The following MAN2A1 variants were observed in gnomAD, a reference collection of about 807,000 sequenced individuals.
MAN2A1 encodes the protein mannosidase alpha class 2A member 1.
In MAN2A1, 76 loss-of-function variants were observed where a neutral mutation model predicts 142.6. The observed-to-expected ratio is 0.53, with a 90% CI of 0.44 to 0.65. The LOEUF (loss-of-function observed/expected upper bound fraction) is 0.65, where lower values mean the gene tolerates loss of function less well. Among genes scored for constraint, MAN2A1 ranks in the 30% least tolerant of loss-of-function variants. MAN2A1 has a pLI of 0.00. For synonymous variants in MAN2A1, 559 were observed against 473.2 expected (o/e 1.18, Z -2.35); for missense variants, 1,311 against 1,365.1 (o/e 0.96, Z 0.62).
intron 4 of MAN2A1, among the ~76,000 whole-genome samples, chr5:109,749,742 TA>T (rs776419988): frequency 1.2e-4 from 19 of 152,066 alleles, no homozygotes; most frequent in Non-Finnish European, 2.6e-4. Context: ...AATTAAATTT[TA>T]ATTTAAATTC....
chr5:109,722,797 C>T lies in MAN2A1; in HGVS notation c.535+6533C>T, dbSNP rs559215199. Among the ~76,000 whole-genome samples the T allele has an allele frequency of 1.0e-3, 152 of 152,280 alleles. 1 individual carries two copies. Among genetic ancestry groups the T allele is most frequent in the African/African-American group, 3.4e-3 (142 of 41,580 alleles). ...TTTGTCTAAAGCTAAGTAGCCCCCT[C>T]GTGTACCCTAAGAGTAACCCACCAA... On this transcript the variant is annotated intron_variant, in intron 3 of 21. Coordinates refer to ENST00000261483, the MANE Select transcript of MAN2A1 (RefSeq NM_002372.4).
chr5:109,737,655 C>T (rs1318258089), intron 4 of MAN2A1, among the ~76,000 whole-genome samples: 1 of 151,976 alleles, frequency 6.6e-6, no homozygotes, highest in East Asian at 1.9e-4. Flanking sequence ...CAATATTAAA[C>T]CCAGGGCTCA....
At chr5:109,749,011 T>C (rs551993264) in intron 4 of MAN2A1, among the ~76,000 whole-genome samples, 4 of 152,186 alleles carry the variant, frequency 2.6e-5, no homozygotes, top group South Asian at 2.1e-4. Flanking sequence ...TCTGTGTTTT[T>C]GAATTTTTCA....
chr5:109,787,985 A>G (rs1753638030), intron 10 of MAN2A1, among the ~76,000 whole-genome samples: 1 of 151,854 alleles, frequency 6.6e-6, no homozygotes, highest in South Asian at 2.1e-4. Flanking sequence ...TACATCTCTG[A>G]AGGAAATATT....
At chr5:109,831,285 G>A (rs1295229831) in intron 16 of MAN2A1, among the ~76,000 whole-genome samples, 1 of 152,204 alleles carries the variant, frequency 6.6e-6, no homozygotes, top group Non-Finnish European at 1.5e-5. Flanking sequence ...GAGTGAGTGA[G>A]CCAGATGGGT....
At chr5:109,709,861 A>G (rs1345249875) in intron 1 of MAN2A1, among the ~76,000 whole-genome samples, 1 of 152,170 alleles carries the variant, frequency 6.6e-6, no homozygotes, top group African/African-American at 2.4e-5. Context: ...TTCTTGCCCT[A>G]CAGAAAATTG....
At chr5:109,810,939 A>G (rs1015843398) in intron 12 of MAN2A1, among the ~76,000 whole-genome samples, 1 of 152,056 alleles carries the variant, frequency 6.6e-6, no homozygotes, top group African/African-American at 2.4e-5. Flanking sequence ...CTTTTTTTCA[A>G]AAGAGTGTTT....
At chr5:109,843,061 C>G (rs920594361) in intron 17 of MAN2A1, among the ~76,000 whole-genome samples, 1 of 152,054 alleles carries the variant, frequency 6.6e-6, no homozygotes, top group African/African-American at 2.4e-5. Flanking sequence ...CCACCTCGCC[C>G]TTTCAAAGTG....
At chr5:109,753,239 G>A (rs547005363) in intron 4 of MAN2A1, among the ~76,000 whole-genome samples, 78 of 152,304 alleles carry the variant, frequency 5.1e-4, no homozygotes, top group African/African-American at 1.7e-3. Flanking sequence ...CGCATAAGGG[G>A]CAGGTTTGGT....
At chr5:109,734,700 C>T (rs1752032566) in intron 4 of MAN2A1, among the ~76,000 whole-genome samples, 2 of 152,234 alleles carry the variant, frequency 1.3e-5, no homozygotes, top group African/African-American at 4.8e-5. Flanking sequence ...TTTCTTAATC[C>T]TGAGTTCTAG....
intron 9 of MAN2A1, among the ~76,000 whole-genome samples, chr5:109,782,596 A>G (rs1561509585): frequency 6.6e-6 from 1 of 152,276 alleles, no homozygotes; most frequent in East Asian, 1.9e-4. Flanking sequence ...TTTATATACT[A>G]GTGGACATTG....
At chr5:109,762,365 C>A (rs574188559) in intron 5 of MAN2A1, among the ~76,000 whole-genome samples, 1 of 152,176 alleles carries the variant, frequency 6.6e-6, no homozygotes, top group African/African-American at 2.4e-5. Context: ...TCTTTCTTTG[C>A]TCCTTTTGTC....
intron 1 of MAN2A1, among the ~76,000 whole-genome samples, chr5:109,701,917 C>T (rs915361653): frequency 6.6e-6 from 1 of 151,966 alleles, no homozygotes; most frequent in African/African-American, 2.4e-5. Context: ...TTTATGATGA[C>T]GTGGATGTTA....
intron 8 of MAN2A1, among the ~76,000 whole-genome samples, chr5:109,779,017 T>A (rs1369878684): frequency 1.3e-5 from 2 of 152,174 alleles, no homozygotes; most frequent in East Asian, 3.8e-4. Flanking sequence ...TGCCTTTTAA[T>A]GTAAAAACCA....
intron 1 of MAN2A1, among the ~76,000 whole-genome samples, chr5:109,704,927 A>T (rs563951280): frequency 1.2e-4 from 18 of 152,036 alleles, no homozygotes; most frequent in African/African-American, 4.1e-4. Flanking sequence ...TATTCTGGCC[A>T]CTCAAGTTTA....
intron 15 of MAN2A1, among the ~76,000 whole-genome samples, chr5:109,823,086 A>T (rs1232273819): frequency 6.6e-6 from 1 of 152,212 alleles, no homozygotes; most frequent in African/African-American, 2.4e-5. Flanking sequence ...TAAATGTTTT[A>T]AATTTGCTTC....
Position 109,817,396 on chromosome 5 carries a change from A to C in MAN2A1, c.2067A>C (p.Ala689=). The change falls in exon 13 of 22, where the codon GCA becomes GCC. Residue 689 remains alanine (A), a synonymous_variant. Transcript: ENST00000261483. ...AACCTGTGGAAGTTCAAGTCAGCGC[A>C]GTTTGGGATACAGCAAATACTATTT... ...SGKPVEVQVS[A]VWDTANTISE... is the part of the protein sequence containing the mutation. 1 of 1,614,122 alleles carries C rather than the reference A, an allele frequency of 6.2e-7. No homozygotes were observed. The highest frequency in any genetic ancestry group is 1.1e-5 in the South Asian group (1 of 91,072).
intron 12 of MAN2A1, among the ~76,000 whole-genome samples, chr5:109,799,474 G>A (rs1422718706): frequency 6.6e-6 from 1 of 152,176 alleles, no homozygotes; most frequent in Non-Finnish European, 1.5e-5. Context: ...AAAAAAGCAG[G>A]CCAGGCGCAG....
At position 109,690,363 on chromosome 5, in the gene MAN2A1, T is replaced by A; in HGVS notation, c.-55T>A. ...GGCGGCTGCTTCCTAGAGTCCACAG[T>A]GCGCTGTCTCCTTTGGCTGAGGAGA... On this transcript the variant is annotated 5_prime_UTR_variant, in exon 1 of 22. Transcript: ENST00000261483. The A allele has an allele frequency of 6.2e-7, 1 of 1,603,672 alleles. No homozygotes were observed. Among genetic ancestry groups the A allele is most frequent in the Admixed American group, 1.7e-5 (1 of 59,982 alleles).
Sources: allele counts gnomAD v4.1 joint callset (sites outside exome capture counted in the v4.1 genomes callset), GRCh38; gene constraint gnomAD v4.1.1; transcripts MANE v1.5; gene names NCBI Gene and HGNC (gene_info 2026-07-23, HGNC 2026-07-21).